GLI3: variants seen among roughly 807,000 people sequenced by gnomAD.
GLI3 encodes GLI family zinc finger 3.
GLI3 carries 20 observed loss-of-function variants against 100.8 expected under a neutral mutation model. The observed-to-expected ratio is 0.20, with a 90% CI of 0.14 to 0.29. The LOEUF (loss-of-function observed/expected upper bound fraction) is 0.29. GLI3 is among the 10% of genes least tolerant of loss of function. The pLI is 1.00. For synonymous variants in GLI3, 938 were observed against 860.5 expected (o/e 1.09, Z -1.58); for missense variants, 2,040 against 2,128.5 (o/e 0.96, Z 0.82).
At chr7:42,198,767 C>CACAT (rs1190288058) in intron 2 of GLI3, among the ~76,000 whole-genome samples, 5 of 152,002 alleles carry the variant, frequency 3.3e-5, no homozygotes, top group Middle Eastern at 6.8e-3. Flanking sequence ...TGCACACACA[C>CACAT]ACATACACAC....
intron 2 of GLI3, among the ~76,000 whole-genome samples, chr7:42,189,748 G>C (rs1463783987): frequency 6.6e-6 from 1 of 152,162 alleles, no homozygotes; most frequent in African/African-American, 2.4e-5. Context: ...CAGAGTGCTG[G>C]AGTAAATTAG....
intron 3 of GLI3, among the ~76,000 whole-genome samples, chr7:42,104,334 C>T (rs1245679831): frequency 6.6e-6 from 1 of 152,186 alleles, no homozygotes; most frequent in Non-Finnish European, 1.5e-5. Context: ...TGTGAAGACG[C>T]CCTGACATCT....
chr7:42,155,440 CA>C (rs570132468), intron 2 of GLI3, among the ~76,000 whole-genome samples: 8,955 of 121,260 alleles, frequency 0.074, 596 homozygotes, highest in African/African-American at 0.2. Context: ...ACTCAGTCTC[CA>C]AAAAAAAAAA....
At chr7:42,254,062 A>G (rs1359297170) in intron 1 of GLI3, among the ~76,000 whole-genome samples, 4 of 152,090 alleles carry the variant, frequency 2.6e-5, no homozygotes, top group South Asian at 4.2e-4. Flanking sequence ...TTTGCTAAAA[A>G]TACAAAATTA....
intron 2 of GLI3, among the ~76,000 whole-genome samples, chr7:42,208,601 T>A (rs1788202873): frequency 6.6e-6 from 1 of 152,220 alleles, no homozygotes; most frequent in Non-Finnish European, 1.5e-5. Flanking sequence ...ATTGTACTCT[T>A]GGTTTTGTTT....
At chr7:42,164,305 G>T (rs1292279624) in intron 2 of GLI3, among the ~76,000 whole-genome samples, 4 of 152,014 alleles carry the variant, frequency 2.6e-5, no homozygotes, top group African/African-American at 9.7e-5. Context: ...CAGACTGCTT[G>T]AGCCCAGGAA....
intron 1 of GLI3, among the ~76,000 whole-genome samples, chr7:42,236,429 C>A (rs1230358922): frequency 6.6e-6 from 1 of 152,228 alleles, no homozygotes; most frequent in Non-Finnish European, 1.5e-5. Context: ...CTCTCTCCAT[C>A]CGCTCACACC....
At chr7:42,136,390 C>T (rs900366054) in intron 3 of GLI3, among the ~76,000 whole-genome samples, 2 of 152,116 alleles carry the variant, frequency 1.3e-5, no homozygotes, top group African/African-American at 4.8e-5. Flanking sequence ...GTATAATCTC[C>T]ATAATTATAA....
chr7:42,259,524 A>G (rs528989678), intron 1 of GLI3, among the ~76,000 whole-genome samples: 1 of 152,364 alleles, frequency 6.6e-6, no homozygotes, highest in Admixed American at 6.5e-5. Context: ...TAACTTACAT[A>G]AAGCACTAGT....
intron 3 of GLI3, among the ~76,000 whole-genome samples, chr7:42,102,704 A>G (rs1275251844): frequency 6.6e-6 from 1 of 152,208 alleles, no homozygotes; most frequent in East Asian, 1.9e-4. Context: ...TGTTTCTGCT[A>G]TAAGACGTAA....
rs1789346701 is a variant in GLI3, at chr7:42,033,251, G to A, written c.1028+6787C>T. Among the ~76,000 whole-genome samples, 3 of 152,280 alleles carry A rather than the reference G, an allele frequency of 2.0e-5. No homozygotes were observed. The South Asian group carries it at 6.2e-4, about 32-fold the overall frequency. On this transcript the variant is annotated intron_variant, in intron 7 of 14. Coordinates refer to ENST00000395925, the MANE Select transcript of GLI3 (RefSeq NM_000168.6). ...CTTCTGGATTCTTGGGAAATGTCTT[G>A]TAAATGTAAAATCAACTCTGTCTAC... is the stretch of plus-strand genomic sequence containing the variant.
intron 1 of GLI3, among the ~76,000 whole-genome samples, chr7:42,247,270 T>C (rs976677848): frequency 3.9e-5 from 6 of 152,256 alleles, no homozygotes; most frequent in Middle Eastern, 3.4e-3. Context: ...ATATCTCAAA[T>C]TGGTTGCTTT....
chr7:42,228,373 A>G (rs1562793869), intron 1 of GLI3, among the ~76,000 whole-genome samples: 1 of 152,176 alleles, frequency 6.6e-6, no homozygotes, highest in Non-Finnish European at 1.5e-5. Context: ...GGGAAAAGTG[A>G]AAAAAGGGCT....
chr7:42,188,978 A>C (rs1366849284), intron 2 of GLI3, among the ~76,000 whole-genome samples: 1 of 152,140 alleles, frequency 6.6e-6, no homozygotes, highest in Non-Finnish European at 1.5e-5. Flanking sequence ...AGTGTCCCCT[A>C]AAGTAATCTA....
In GLI3 at chr7:41,964,947, T is replaced by C; in HGVS notation, c.4126A>G (p.Ser1376Gly). The part of the protein sequence containing the change: ...GAHGMGSQPS[S>G]LAVVRGYQPC... Reference sequence around the variant, plus strand: ...TGGTAGCCCCTGACAACTGCCAAGCTTGACGGCTGGCTGCCCATGCCGTGA... The same window carrying C: ...TGGTAGCCCCTGACAACTGCCAAGCCTGACGGCTGGCTGCCCATGCCGTGA... Residue 1376 changes from serine to glycine, a missense_variant, in exon 15 of 15, where the codon AGC becomes GGC. By Grantham distance (56) the Ser-to-Gly change is moderately conservative (BLOSUM62 0). This residue lies in a region of GLI3 where 1,041 missense variants were observed against 924.0 expected (regional missense o/e 1.13). Transcript: ENST00000395925. 6.2e-7 allele frequency: 1 copy of C among 1,613,782 alleles called. No homozygotes were observed. Among genetic ancestry groups the C allele is most frequent in the South Asian group, 1.1e-5 (1 of 91,078 alleles).
chr7:42,052,280 C>T (rs1011125126), intron 4 of GLI3, among the ~76,000 whole-genome samples: 9 of 152,076 alleles, frequency 5.9e-5, no homozygotes, highest in Admixed American at 3.3e-4. Context: ...CATCTGTGTC[C>T]AGGTTTTTTG....
chr7:42,173,446 G>GT (rs1422047297), intron 2 of GLI3, among the ~76,000 whole-genome samples: 11 of 152,122 alleles, frequency 7.2e-5, no homozygotes, highest in Non-Finnish European at 1.5e-5. Flanking sequence ...ACAGATCCAG[G>GT]TAACGAGGGT....
chr7:42,076,511 G>A (rs1351246716), intron 4 of GLI3, among the ~76,000 whole-genome samples: 3 of 152,108 alleles, frequency 2.0e-5, no homozygotes, highest in Admixed American at 6.5e-5. Flanking sequence ...CAGAACACAC[G>A]TCAGCAAAAT....
At chr7:41,993,435 C>T (rs919289609) in intron 10 of GLI3, among the ~76,000 whole-genome samples, 1 of 152,174 alleles carries the variant, frequency 6.6e-6, no homozygotes, top group African/African-American at 2.4e-5. Context: ...TACTGTCCAA[C>T]CTCCCCATCC....
Sources: allele counts gnomAD v4.1 joint callset (sites outside exome capture counted in the v4.1 genomes callset), GRCh38; gene constraint gnomAD v4.1.1; regional missense constraint gnomAD v4.1.1; transcripts MANE v1.5; gene names NCBI Gene and HGNC (gene_info 2026-07-23, HGNC 2026-07-21).